Variants in TENM1 observed in about 807,000 individuals in gnomAD.
The protein encoded by TENM1 is teneurin transmembrane protein 1.
A neutral mutation model predicts 174.8 loss-of-function variants in TENM1; 35 were observed. That is an observed-to-expected ratio of 0.20 (90% confidence interval 0.15 to 0.27). The LOEUF (loss-of-function observed/expected upper bound fraction) is 0.27. Among genes scored for constraint, TENM1 ranks in the 10% least tolerant of loss-of-function variants. The pLI is 1.00. For missense variants in TENM1, 1,633 were observed against 2,130.1 expected (o/e 0.77, Z 4.59); for synonymous variants, 781 against 798.7 (o/e 0.98, Z 0.37).
intron 1 of TENM1, among the ~76,000 whole-genome samples, chrX:124,941,908 G>T (rs919176254): frequency 3.6e-5 from 4 of 111,744 alleles, no homozygotes; most frequent in Non-Finnish European, 7.5e-5. Context: ...GTCTTACATG[G>T]CAGCAGGCAA....
chrX:125,030,392 T>C, the TENM1 span, among the ~76,000 whole-genome samples: 3 of 112,328 alleles, frequency 2.7e-5, no homozygotes, highest in Non-Finnish European at 3.8e-5. Context: ...CTCAAAAATA[T>C]ATCAAAATGA....
At chrX:124,640,378 C>T (rs945856586) in intron 11 of TENM1, among the ~76,000 whole-genome samples, 1 of 111,377 alleles carries the variant, frequency 9.0e-6, no homozygotes. Flanking sequence ...GGATCACAGA[C>T]TTTTCAGCTC....
the TENM1 span, among the ~76,000 whole-genome samples, chrX:125,168,976 T>C: frequency 1.9e-5 from 2 of 108,031 alleles, no homozygotes; most frequent in African/African-American, 7.1e-5. Context: ...AAAACCAGTA[T>C]CTCCTGTGTG....
chrX:125,028,330 T>C, the TENM1 span, among the ~76,000 whole-genome samples: 1 of 112,191 alleles, frequency 8.9e-6, no homozygotes, highest in African/African-American at 3.2e-5. Context: ...CAAAAGAACA[T>C]TGAAGAAGAA....
chrX:125,163,415 T>C, the TENM1 span, among the ~76,000 whole-genome samples: 3 of 110,979 alleles, frequency 2.7e-5, no homozygotes, highest in African/African-American at 3.3e-5. Context: ...AACTATTGTA[T>C]TTAGGTTGGC....
At chrX:124,442,576 T>C (rs1266564556) in intron 23 of TENM1, among the ~76,000 whole-genome samples, 1 of 111,975 alleles carries the variant, frequency 8.9e-6, no homozygotes, top group East Asian at 2.8e-4. Flanking sequence ...TCTGTAGACA[T>C]GAAAGGGTTG....
intron 3 of TENM1, among the ~76,000 whole-genome samples, chrX:124,838,919 A>G (rs2056443850): frequency 9.0e-6 from 1 of 111,637 alleles, no homozygotes; most frequent in South Asian, 3.7e-4. Context: ...AATGTATTTG[A>G]AGATAAAAAC....
At chrX:124,767,331 G>T (rs1261391611) in intron 3 of TENM1, among the ~76,000 whole-genome samples, 1 of 111,593 alleles carries the variant, frequency 9.0e-6, no homozygotes, top group Non-Finnish European at 1.9e-5. Context: ...TTGTGTGTGT[G>T]TGTGTTGTGT....
At chrX:125,137,907 A>G in the TENM1 span, among the ~76,000 whole-genome samples, 1 of 111,935 alleles carries the variant, frequency 8.9e-6, no homozygotes, top group Non-Finnish European at 1.9e-5. Flanking sequence ...GTTTAATTAA[A>G]GCTCCCTTTC....
chrX:125,022,087 T>A, the TENM1 span, among the ~76,000 whole-genome samples: 1,365 of 112,409 alleles, frequency 0.012, 27 homozygotes, highest in African/African-American at 0.042. Context: ...GAAATGAATG[T>A]TGCTAACTCC....
chrX:124,701,140 C>T (rs1281911728), intron 5 of TENM1, among the ~76,000 whole-genome samples: 4 of 111,357 alleles, frequency 3.6e-5, no homozygotes, highest in Non-Finnish European at 5.7e-5. Context: ...ATTATTTCAT[C>T]TGCACAGTTG....
At chrX:124,884,450 T>C (rs1405940900) in intron 3 of TENM1, among the ~76,000 whole-genome samples, 1 of 110,859 alleles carries the variant, frequency 9.0e-6, no homozygotes, top group Non-Finnish European at 1.9e-5. Flanking sequence ...TCTCCAGGCA[T>C]ATTCCCTATG....
chrX:124,947,484 G>C (rs73547682), intron 1 of TENM1, among the ~76,000 whole-genome samples: 2,705 of 111,578 alleles, frequency 0.024, 93 homozygotes, highest in African/African-American at 0.084. Context: ...TTCATAAATT[G>C]TAAAATGGGG....
At chrX:124,871,265 C>A (rs1418063264) in intron 3 of TENM1, among the ~76,000 whole-genome samples, 1 of 111,829 alleles carries the variant, frequency 8.9e-6, no homozygotes, top group African/African-American at 3.3e-5. Flanking sequence ...TTAAAAAGAT[C>A]ACTCTGAGAA....
At chrX:125,175,366 T>C in the TENM1 span, among the ~76,000 whole-genome samples, 4 of 111,666 alleles carry the variant, frequency 3.6e-5, no homozygotes, top group Non-Finnish European at 7.6e-5. Flanking sequence ...GAGAAAGTAT[T>C]ATTTTAAAAA....
At chrX:124,393,748 T>C (rs1038954171) in intron 27 of TENM1, among the ~76,000 whole-genome samples, 4 of 110,411 alleles carry the variant, frequency 3.6e-5, no homozygotes, top group African/African-American at 1.3e-4. Flanking sequence ...GTGGAGAGAG[T>C]CCTAGTGTAT....
chrX:125,083,934 G>C, the TENM1 span, among the ~76,000 whole-genome samples: 2 of 110,490 alleles, frequency 1.8e-5, no homozygotes, highest in Non-Finnish European at 3.8e-5. Flanking sequence ...TTTACTAGGA[G>C]GGTGGAAGTG....
chrX:124,418,819 G>C (rs2086922099), intron 25 of TENM1, among the ~76,000 whole-genome samples: 1 of 111,824 alleles, frequency 8.9e-6, no homozygotes, highest in African/African-American at 3.2e-5. Context: ...GATCCGGCTT[G>C]AGTTTTTAAA....
intron 18 of TENM1, among the ~76,000 whole-genome samples, chrX:124,520,011 T>C (rs889488195): frequency 6.2e-5 from 7 of 112,171 alleles, no homozygotes; most frequent in South Asian, 3.7e-4. Context: ...TTCTAGGTTT[T>C]AAAGTCTTGA....
Sources: gnomAD v4.1 joint callset for allele counts (sites outside exome capture counted in the v4.1 genomes callset) on GRCh38, gnomAD v4.1.1 for gene constraint, MANE v1.5 for transcripts, NCBI Gene and HGNC (gene_info 2026-07-23, HGNC 2026-07-21) for gene names.